ITGB1: variants seen among roughly 807,000 people sequenced by gnomAD.
ITGB1 encodes integrin subunit beta 1.
A neutral mutation model predicts 86.5 loss-of-function variants in ITGB1; 24 were observed. That is an observed-to-expected ratio of 0.28 (90% confidence interval 0.20 to 0.39). The LOEUF is 0.39. Among genes scored for constraint, ITGB1 ranks in the 10% least tolerant of loss-of-function variants. The probability of loss-of-function intolerance (pLI) is 1.00; values close to 1 mark genes in which losing one functional copy is unlikely to be tolerated. For synonymous variants in ITGB1, 323 were observed against 316.8 expected (o/e 1.02, Z -0.21); for missense variants, 556 against 946.9 (o/e 0.59, Z 5.42).
At chr10:32,942,723 C>T (rs1017496617) in intron 1 of ITGB1, among the ~76,000 whole-genome samples, 4 of 146,242 alleles carry the variant, frequency 2.7e-5, no homozygotes, top group Admixed American at 7.0e-5. Context: ...CTTGCTCTGT[C>T]GCCTAGGCTG....
chr10:32,916,202 T>A (rs1019880650), intron 11 of ITGB1, among the ~76,000 whole-genome samples: 2 of 152,208 alleles, frequency 1.3e-5, no homozygotes, highest in African/African-American at 2.4e-5. Flanking sequence ...ACAGCCAATA[T>A]CATACTGAAT....
At chr10:32,958,002 C>T (rs1169920350) in intron 1 of ITGB1, 143 bp downstream of exon 1, 1 of 148,766 alleles carries the variant, frequency 6.7e-6, no homozygotes, top group African/African-American at 2.5e-5. Context: ...CTGGCGGCCG[C>T]CCCCGCCCCC....
At chr10:32,947,137 C>A (rs2095033152) in intron 1 of ITGB1, among the ~76,000 whole-genome samples, 1 of 152,134 alleles carries the variant, frequency 6.6e-6, no homozygotes, top group South Asian at 2.1e-4. Context: ...GGCACCATAC[C>A]TGGCCTACTT....
At chr10:32,903,133 C>T (rs761233971) in intron 15 of ITGB1, among the ~76,000 whole-genome samples, 1 of 151,870 alleles carries the variant, frequency 6.6e-6, no homozygotes, top group African/African-American at 2.4e-5. Context: ...GGGTGGATCA[C>T]TTTTGGTGAG....
At chr10:32,932,786 G>A (rs2094988066) in intron 2 of ITGB1, 186 bp from the exon 3 acceptor site, 3 of 489,508 alleles carry the variant, frequency 6.1e-6, no homozygotes, top group Admixed American at 6.6e-5. Flanking sequence ...ATTTTTGTGG[G>A]TAAATAGGTG....
intron 1 of ITGB1, among the ~76,000 whole-genome samples, chr10:32,938,312 C>T (rs2095009098): frequency 2.6e-5 from 4 of 152,172 alleles, no homozygotes; most frequent in Non-Finnish European, 5.9e-5. Context: ...ATGAAGCATG[C>T]AGGCAGTTTC....
chr10:32,954,823 G>A (rs79318780), intron 1 of ITGB1, among the ~76,000 whole-genome samples: 10,410 of 152,208 alleles, frequency 0.068, 581 homozygotes, highest in South Asian at 0.27. Context: ...ATATGCACAC[G>A]CTTAAGCATA....
chr10:32,914,954 T>TG (rs2094926876), intron 11 of ITGB1, among the ~76,000 whole-genome samples: 1 of 152,176 alleles, frequency 6.6e-6, no homozygotes. Flanking sequence ...ACAGAAATTA[T>TG]AACAAACTGT....
chr10:32,932,754 G>A, intron 2 of ITGB1, 154 bp from the exon 3 acceptor site: 1 of 541,560 alleles, frequency 1.8e-6, no homozygotes, highest in African/African-American at 1.9e-5. Flanking sequence ...AAAGAGAGCA[G>A]GATTTTTTAA....
At chr10:32,947,393 G>A (rs2095033687) in intron 1 of ITGB1, among the ~76,000 whole-genome samples, 1 of 148,996 alleles carries the variant, frequency 6.7e-6, no homozygotes, top group African/African-American at 2.5e-5. Context: ...AAGAACTGGG[G>A]AGGAAAGAAA....
intron 3 of ITGB1, among the ~76,000 whole-genome samples, chr10:32,931,296 C>T (rs902679958): frequency 2.6e-5 from 4 of 151,962 alleles, no homozygotes; most frequent in Admixed American, 6.6e-5. Context: ...ATTCAGAAAG[C>T]CTTTAAAATT....
At position 32,911,979 on chromosome 10, in the gene ITGB1, TACAA is replaced by T; in HGVS notation, c.1611_1614del (p.Cys538GlyfsTer28). On this transcript the variant is annotated frameshift_variant, in exon 12 of 16. Coordinates refer to ENST00000302278, the MANE Select transcript of ITGB1 (RefSeq NM_002211.4). LOFTEE classifies it high-confidence loss of function. ...ATTTCATTTGTATTATCCCTCTTCC[TACAA>T]ACACACTGTCCGCAGACGCACTCTC... The T allele has an allele frequency of 6.2e-7, 1 of 1,614,202 alleles. No homozygotes were observed. The highest frequency in any genetic ancestry group is 1.1e-5 in the South Asian group (1 of 91,082).
intron 11 of ITGB1, 79 bp downstream of exon 11, chr10:32,919,806 C>G (rs1010081226): frequency 2.4e-6 from 3 of 1,255,162 alleles, no homozygotes; most frequent in African/African-American, 3.0e-5. Context: ...GAGATATTCT[C>G]TGGATGTCCC....
At chr10:32,913,837 G>A (rs931974518) in intron 11 of ITGB1, among the ~76,000 whole-genome samples, 1 of 152,126 alleles carries the variant, frequency 6.6e-6, no homozygotes, top group Admixed American at 6.6e-5. Flanking sequence ...TACTCCTTGA[G>A]AAGAGCAACT....
chr10:32,910,506 A>C lies in ITGB1; in HGVS notation c.1932-51T>G, dbSNP rs559086752. On this transcript the variant is annotated intron_variant, in intron 13 of 15. Coordinates refer to ENST00000302278, the MANE Select transcript of ITGB1 (RefSeq NM_002211.4). ...TATTTACATTTTATTATTTCAGTAA[A>C]TATTTGCTTAAACATATTTCCCATG... is the stretch of plus-strand genomic sequence containing the variant. 67 of 1,277,888 alleles carry C rather than the reference A, an allele frequency of 5.2e-5. 1 individual carries two copies. The South Asian group carries it at 8.6e-4, about 16-fold the overall frequency. 79.2% of individuals were successfully genotyped at this position (1,277,888 alleles called of 1,614,324 possible).
intron 5 of ITGB1, among the ~76,000 whole-genome samples, chr10:32,927,132 T>C (rs900288107): frequency 3.9e-5 from 6 of 152,204 alleles, no homozygotes; most frequent in African/African-American, 1.2e-4. Flanking sequence ...ACTAATTTGA[T>C]AGGAGCTCCC....
At chr10:32,953,953 A>G (rs1247315279) in intron 1 of ITGB1, 1 of 152,176 alleles carries the variant, frequency 6.6e-6, no homozygotes. Flanking sequence ...CAGAGAAGAA[A>G]CTGGGGAAGG....
At chr10:32,912,200 C>G (rs2504020) in intron 11 of ITGB1, 76 bp from the exon 12 acceptor site, 517,734 of 1,176,560 alleles carry the variant, frequency 0.44, 122,955 homozygotes, top group Non-Finnish European at 0.5. Flanking sequence ...CAAACAGGAA[C>G]AGCTCTAGTC....
chr10:32,935,547 T>C lies in ITGB1; in HGVS notation c.12A>G (p.Gln4=), dbSNP rs1565829358. The change falls in exon 2 of 16, where the codon CAA becomes CAG. Residue 4 remains glutamine (Q), a synonymous_variant. Transcript: ENST00000302278. ...TGATCAGTCCAATCCAGAAAATTGG[T>C]TGTAAATTCATCTGAAATGTAAAAT... is the stretch of plus-strand genomic sequence containing the variant. MNL[Q]PIFWIGLISS... 7 of 1,612,112 alleles carry C rather than the reference T, an allele frequency of 4.3e-6. No individual in the cohort carries two copies. The highest frequency in any genetic ancestry group is 2.2e-5 in the East Asian group (1 of 44,882).
Sources: allele counts gnomAD v4.1 joint callset (sites outside exome capture counted in the v4.1 genomes callset), GRCh38; gene constraint gnomAD v4.1.1; transcripts MANE v1.5; gene names NCBI Gene and HGNC (gene_info 2026-07-23, HGNC 2026-07-21).